The following ZBTB7C variants were observed in gnomAD, a reference collection of about 807,000 sequenced individuals.
The protein encoded by ZBTB7C is zinc finger and BTB domain-containing protein 7C.
In ZBTB7C, 8 loss-of-function variants were observed where a neutral mutation model predicts 25.7. The ratio of observed to expected loss-of-function variants is 0.31; its 90% CI spans 0.18 to 0.56. The LOEUF is 0.56. Ranked by LOEUF, ZBTB7C falls within the 20% of genes least tolerant of loss-of-function variation. The pLI, the probability that ZBTB7C is intolerant of heterozygous loss-of-function variation, is 0.91. For synonymous variants in ZBTB7C, 394 were observed against 369.0 expected (o/e 1.07, Z -0.78); for missense variants, 824 against 855.2 (o/e 0.96, Z 0.46).
At chr18:48,150,267 A>G (rs2040633626) in intron 3 of ZBTB7C, 1 of 152,156 alleles carries the variant, frequency 6.6e-6, no homozygotes. Flanking sequence ...AAGGTGGCTC[A>G]GAATATTTTT....
rs139032113 is a variant in ZBTB7C at position 48,246,156 on chromosome 18, T to C, written c.-78-60161A>G. Among the ~76,000 whole-genome samples the C allele has an allele frequency of 2.4e-3, 361 of 152,202 alleles. 1 individual carries two copies. The highest frequency in any genetic ancestry group is 8.3e-3 in the African/African-American group (343 of 41,542). ...TCATCTTCCATAGCAGGAAGTCAGT[T>C]AATAATAAAGCTTAGGCCGGGCGCG... On this transcript the variant is annotated intron_variant, in intron 2 of 4. Transcript: ENST00000590800.
chr18:48,406,302 C>T (rs1215788211), intron 1 of ZBTB7C, among the ~76,000 whole-genome samples: 1 of 152,138 alleles, frequency 6.6e-6, no homozygotes, highest in Non-Finnish European at 1.5e-5. Context: ...CTCCTTCATA[C>T]CCCCTTCACA....
intron 3 of ZBTB7C, among the ~76,000 whole-genome samples, chr18:48,167,059 G>C (rs1378144184): frequency 2.0e-5 from 3 of 152,158 alleles, no homozygotes; most frequent in African/African-American, 7.2e-5. Context: ...TACCCAAGCT[G>C]TCTGTGCCTG....
At chr18:48,295,073 G>C (rs1003864717) in intron 2 of ZBTB7C, among the ~76,000 whole-genome samples, 2 of 152,102 alleles carry the variant, frequency 1.3e-5, no homozygotes, top group Non-Finnish European at 2.9e-5. Context: ...GTGCCACTCA[G>C]GAAGCTTTCT....
intron 3 of ZBTB7C, among the ~76,000 whole-genome samples, chr18:48,119,423 A>G (rs547086388): frequency 6.6e-6 from 1 of 152,212 alleles, no homozygotes; most frequent in African/African-American, 2.4e-5. Context: ...CCCCATGCTC[A>G]TGGAAGACCT....
chr18:48,107,988 C>T (rs555756993), intron 3 of ZBTB7C, among the ~76,000 whole-genome samples: 1 of 152,316 alleles, frequency 6.6e-6, no homozygotes, highest in South Asian at 2.1e-4. Flanking sequence ...TTCTTTCTCC[C>T]CTCATGAAGA....
At chr18:48,404,838 C>T (rs1197732616) in intron 1 of ZBTB7C, among the ~76,000 whole-genome samples, 10 of 152,214 alleles carry the variant, frequency 6.6e-5, no homozygotes, top group Non-Finnish European at 1.5e-5. Flanking sequence ...ATGTCCAGCC[C>T]TTGCTGATGC....
chr18:48,289,654 G>A (rs1385050213), intron 2 of ZBTB7C, among the ~76,000 whole-genome samples: 1 of 151,650 alleles, frequency 6.6e-6, no homozygotes, highest in Admixed American at 6.6e-5. Flanking sequence ...CTTAAGTGCT[G>A]GGGATACAAC....
At chr18:48,220,634 A>C (rs1486814244) in intron 2 of ZBTB7C, among the ~76,000 whole-genome samples, 1 of 152,204 alleles carries the variant, frequency 6.6e-6, no homozygotes, top group Non-Finnish European at 1.5e-5. Context: ...ACAGATAAGC[A>C]GGGTCTCTGC....
At chr18:48,186,318 GTAGCATGGGGTTGCCTAGC>G (rs2042053378) in intron 2 of ZBTB7C, among the ~76,000 whole-genome samples, 1 of 152,202 alleles carries the variant, frequency 6.6e-6, no homozygotes, top group Non-Finnish European at 1.5e-5. Flanking sequence ...CTCCACTTCT[GTAGCATGGGGTTGCCTAGC>G]AACCCTGCGC....
intron 3 of ZBTB7C, among the ~76,000 whole-genome samples, chr18:48,120,323 C>T (rs1216741060): frequency 6.6e-6 from 1 of 152,012 alleles, no homozygotes; most frequent in Non-Finnish European, 1.5e-5. Context: ...GCCATGGAGG[C>T]GAAAGAAGTG....
chr18:48,179,530 G>A (rs2041810673), intron 3 of ZBTB7C, among the ~76,000 whole-genome samples: 1 of 152,162 alleles, frequency 6.6e-6, no homozygotes, highest in Non-Finnish European at 1.5e-5. Context: ...GAGAGAAAAG[G>A]GAAGAGCCGG....
intron 2 of ZBTB7C, among the ~76,000 whole-genome samples, chr18:48,318,625 C>G (rs1178058069): frequency 1.3e-5 from 2 of 152,224 alleles, no homozygotes; most frequent in African/African-American, 4.8e-5. Flanking sequence ...ACAGTGTTCA[C>G]TTATTTGCCT....
chr18:48,140,688 A>G (rs533586841), intron 3 of ZBTB7C, among the ~76,000 whole-genome samples: 1 of 152,272 alleles, frequency 6.6e-6, no homozygotes, highest in South Asian at 2.1e-4. Flanking sequence ...GGCCTTTGCT[A>G]GAGTGCTGAA....
intron 2 of ZBTB7C, among the ~76,000 whole-genome samples, chr18:48,240,780 C>A (rs2043502261): frequency 6.6e-6 from 1 of 151,976 alleles, no homozygotes; most frequent in Non-Finnish European, 1.5e-5. Context: ...AAAACAATAA[C>A]ACAATGAAAT....
chr18:48,210,052 G>A (rs1004929575), intron 2 of ZBTB7C, among the ~76,000 whole-genome samples: 6 of 152,050 alleles, frequency 3.9e-5, no homozygotes, highest in East Asian at 1.9e-4. Flanking sequence ...GCAAATGGCC[G>A]GTAAGTACAT....
intron 3 of ZBTB7C, among the ~76,000 whole-genome samples, chr18:48,139,109 G>A (rs941931296): frequency 3.9e-5 from 6 of 152,178 alleles, no homozygotes; most frequent in Non-Finnish European, 7.3e-5. Context: ...GCTACAGGAG[G>A]AGTGGGGCTG....
intron 2 of ZBTB7C, among the ~76,000 whole-genome samples, chr18:48,201,181 T>C (rs1024410990): frequency 1.3e-5 from 2 of 152,192 alleles, no homozygotes; most frequent in Non-Finnish European, 2.9e-5. Flanking sequence ...CCATGACACA[T>C]ACAATCGATC....
At chr18:48,060,866 T>G (rs926369833) in intron 3 of ZBTB7C, among the ~76,000 whole-genome samples, 1 of 151,762 alleles carries the variant, frequency 6.6e-6, no homozygotes, top group Non-Finnish European at 1.5e-5. Flanking sequence ...CCACAGCGGG[T>G]GCTGCAGGGT....
Sources: gnomAD v4.1 joint callset for allele counts (sites outside exome capture counted in the v4.1 genomes callset) on GRCh38, gnomAD v4.1.1 for gene constraint, MANE v1.5 for transcripts, NCBI Gene and HGNC (gene_info 2026-07-23, HGNC 2026-07-21) for gene names.